The following PLA2G4A variants were observed in gnomAD, a reference collection of about 807,000 sequenced individuals.
The protein encoded by PLA2G4A is phospholipase A2 group IVA.
In PLA2G4A, 40 loss-of-function variants were observed where a neutral mutation model predicts 81.9. The observed-to-expected ratio is 0.49, with a 90% CI of 0.38 to 0.64. PLA2G4A has a LOEUF of 0.64. PLA2G4A is among the 30% of genes least tolerant of loss of function. The pLI is 0.00. For missense variants in PLA2G4A, 715 were observed against 905.1 expected (o/e 0.79, Z 2.69); for synonymous variants, 302 against 296.9 (o/e 1.02, Z -0.18).
intron 17 of PLA2G4A, among the ~76,000 whole-genome samples, chr1:186,980,225 C>T (rs1053680460): frequency 6.6e-6 from 1 of 152,196 alleles, no homozygotes; most frequent in African/African-American, 2.4e-5. Flanking sequence ...AGGCGTGAGC[C>T]ACCGCACCCG....
At chr1:186,911,463 A>G in intron 7 of PLA2G4A, 74 bp downstream of exon 7, 1 of 1,099,592 alleles carries the variant, frequency 9.1e-7, no homozygotes, top group Middle Eastern at 2.0e-4. Context: ...CAATAATTTT[A>G]CCCAAATATG....
chr1:186,930,130 A>G (rs1379725712), intron 7 of PLA2G4A, among the ~76,000 whole-genome samples: 1 of 152,176 alleles, frequency 6.6e-6, no homozygotes, highest in African/African-American at 2.4e-5. Context: ...ACGGAGTAAT[A>G]GTATGTACTG....
chr1:186,946,827 C>A (rs761909095), intron 11 of PLA2G4A, 42 bp from the exon 12 acceptor site: 1 of 1,592,668 alleles, frequency 6.3e-7, no homozygotes, highest in Non-Finnish European at 8.6e-7. Flanking sequence ...ATTTTGAAAC[C>A]TGGGATATTT....
chr1:186,917,210 A>C (rs920603626), intron 7 of PLA2G4A, among the ~76,000 whole-genome samples: 3 of 152,108 alleles, frequency 2.0e-5, no homozygotes, highest in African/African-American at 7.2e-5. Flanking sequence ...GAAAGGGTGA[A>C]CTGGGGAGAA....
intron 1 of PLA2G4A, among the ~76,000 whole-genome samples, chr1:186,843,148 T>C (rs1000567462): frequency 6.6e-6 from 1 of 152,222 alleles, no homozygotes; most frequent in African/African-American, 2.4e-5. Context: ...CAAATCTGTT[T>C]TTTTTAATCT....
chr1:186,886,613 C>T lies in PLA2G4A; in HGVS notation c.116-6398C>T, dbSNP rs143366308. 9.7e-3 allele frequency among the ~76,000 whole-genome samples: 1,478 copies of T among 152,296 alleles called. 13 individuals are homozygous for T. The highest frequency in any genetic ancestry group is 0.014 in the Non-Finnish European group (924 of 68,016). On this transcript the variant is annotated intron_variant, in intron 3 of 17. Transcript: ENST00000367466. Reference sequence around the variant, plus strand: ...CTTACTTCTTCTCGTTTAGTCATTTCTACTTTGTTGATAATTGAAGCATAA... The same window carrying T: ...CTTACTTCTTCTCGTTTAGTCATTTTTACTTTGTTGATAATTGAAGCATAA...
At position 186,979,326 on chromosome 1, in the gene PLA2G4A, G is replaced by C; in HGVS notation, c.1972G>C (p.Glu658Gln). The C allele has an allele frequency of 6.2e-7, 1 of 1,611,730 alleles. No homozygotes were observed. The highest frequency in any genetic ancestry group is 1.7e-4 in the Middle Eastern group (1 of 6,056). ...RKYRAPGVPR[E>Q]TEEEKEIADF... ...CTTCTGGTATTTAGGTGTTCCAAGGGAAACTGAGGAAGAGAAAGAAATCGC... is the reference window on the plus strand; with the variant it reads ...CTTCTGGTATTTAGGTGTTCCAAGGCAAACTGAGGAAGAGAAAGAAATCGC... The change falls in exon 17 of 18, where the codon GAA (glutamate) becomes CAA (glutamine). Residue 658 changes from glutamate (E) to glutamine (Q), a missense_variant. Transcript: ENST00000367466.
At chr1:186,881,027 C>T (rs1653711889) in intron 3 of PLA2G4A, among the ~76,000 whole-genome samples, 1 of 151,936 alleles carries the variant, frequency 6.6e-6, no homozygotes, top group Non-Finnish European at 1.5e-5. Context: ...TTATTGTATA[C>T]CAACTCTCAG....
At chr1:186,915,387 T>C (rs1655101478) in intron 7 of PLA2G4A, among the ~76,000 whole-genome samples, 1 of 152,216 alleles carries the variant, frequency 6.6e-6, no homozygotes, top group African/African-American at 2.4e-5. Flanking sequence ...TGTAACTGTA[T>C]GATTCGGTTG....
intron 3 of PLA2G4A, among the ~76,000 whole-genome samples, chr1:186,872,174 C>A (rs1558385994): frequency 6.6e-6 from 1 of 152,088 alleles, no homozygotes; most frequent in Non-Finnish European, 1.5e-5. Context: ...TTCAGTTTAA[C>A]CCATCTAATC....
intron 1 of PLA2G4A, among the ~76,000 whole-genome samples, chr1:186,843,613 G>C (rs1652066257): frequency 3.9e-5 from 6 of 152,200 alleles, no homozygotes; most frequent in Admixed American, 2.6e-4. Context: ...TCCTAATCTA[G>C]TAGATAAATT....
chr1:186,973,731 G>A (rs1657438073), intron 15 of PLA2G4A, among the ~76,000 whole-genome samples: 1 of 152,108 alleles, frequency 6.6e-6, no homozygotes, highest in Admixed American at 6.5e-5. Context: ...CATGCCTATT[G>A]CATTATAAAG....
intron 10 of PLA2G4A, among the ~76,000 whole-genome samples, chr1:186,945,551 G>A (rs1196455345): frequency 1.1e-4 from 16 of 152,190 alleles, no homozygotes; most frequent in East Asian, 3.9e-4. Context: ...GTATCAGTAC[G>A]ATCACAGTGG....
intron 7 of PLA2G4A, among the ~76,000 whole-genome samples, chr1:186,928,116 C>T (rs1655615283): frequency 6.6e-6 from 1 of 151,934 alleles, no homozygotes; most frequent in Non-Finnish European, 1.5e-5. Flanking sequence ...ATATAAACAG[C>T]CAAGGAATAA....
chr1:186,835,899 G>A (rs1197852902), intron 1 of PLA2G4A, among the ~76,000 whole-genome samples: 3 of 151,998 alleles, frequency 2.0e-5, no homozygotes, highest in Non-Finnish European at 4.4e-5. Flanking sequence ...CTATTACTTG[G>A]TACTTAATTT....
At chr1:186,975,788 C>CT (rs1657509879) in intron 15 of PLA2G4A, among the ~76,000 whole-genome samples, 1 of 152,278 alleles carries the variant, frequency 6.6e-6, no homozygotes, top group African/African-American at 2.4e-5. Flanking sequence ...GCTGTGGTGT[C>CT]TAATTAGTTT....
chr1:186,955,694 T>C (rs1195624055), intron 13 of PLA2G4A, among the ~76,000 whole-genome samples: 1 of 151,700 alleles, frequency 6.6e-6, no homozygotes, highest in Non-Finnish European at 1.5e-5. Context: ...ATATAGAGCT[T>C]TATTGTTAAT....
At chr1:186,968,490 G>T (rs1448600790) in intron 15 of PLA2G4A, among the ~76,000 whole-genome samples, 2 of 147,712 alleles carry the variant, frequency 1.4e-5, no homozygotes, top group Non-Finnish European at 3.0e-5. Flanking sequence ...ACTTACAACT[G>T]TATTATGAGC....
At chr1:186,859,950 T>G (rs1380863284) in intron 2 of PLA2G4A, among the ~76,000 whole-genome samples, 1 of 152,146 alleles carries the variant, frequency 6.6e-6, no homozygotes, top group African/African-American at 2.4e-5. Flanking sequence ...TTTAGAAAAG[T>G]TAGATGATGA....
Sources: gnomAD v4.1 joint callset for allele counts (sites outside exome capture counted in the v4.1 genomes callset) on GRCh38, gnomAD v4.1.1 for gene constraint, MANE v1.5 for transcripts, NCBI Gene and HGNC (gene_info 2026-07-23, HGNC 2026-07-21) for gene names.